Variants in NDUFS4 observed in about 807,000 individuals in gnomAD.
The protein encoded by NDUFS4 is NADH dehydrogenase [ubiquinone] iron-sulfur protein 4, mitochondrial.
Under a neutral mutation model 24.3 loss-of-function variants are expected in NDUFS4, and 28 were observed. That is an observed-to-expected ratio of 1.15 (90% CI 0.85 to 1.58). The LOEUF (loss-of-function observed/expected upper bound fraction) is 1.58, where lower values mean the gene tolerates loss of function less well. Among genes scored for constraint, NDUFS4 ranks in the 40% most tolerant of loss-of-function variants. The pLI is 0.00. For missense variants in NDUFS4, 223 were observed against 207.9 expected (o/e 1.07, Z -0.45); for synonymous variants, 93 against 69.7 (o/e 1.34, Z -1.67).
At chr5:53,658,078 A>G (rs1290484685) in intron 3 of NDUFS4, among the ~76,000 whole-genome samples, 1 of 152,190 alleles carries the variant, frequency 6.6e-6, no homozygotes, top group Non-Finnish European at 1.5e-5. Flanking sequence ...CTTTAAAAGA[A>G]TATTGTTAAT....
intron 1 of NDUFS4, among the ~76,000 whole-genome samples, chr5:53,588,798 ATATTG>A (rs1749851221): frequency 6.6e-6 from 1 of 152,060 alleles, no homozygotes; most frequent in Non-Finnish European, 1.5e-5. Context: ...ATCATGTCTT[ATATTG>A]TCACCATATT....
intron 2 of NDUFS4, among the ~76,000 whole-genome samples, chr5:53,619,507 A>C (rs1178786424): frequency 6.6e-6 from 1 of 150,480 alleles, no homozygotes; most frequent in Non-Finnish European, 1.5e-5. Flanking sequence ...AAAAAAAAAA[A>C]ACACATTATA....
chr5:53,637,569 T>G (rs1751594290), intron 2 of NDUFS4, among the ~76,000 whole-genome samples: 1 of 152,182 alleles, frequency 6.6e-6, no homozygotes, highest in Non-Finnish European at 1.5e-5. Context: ...CATTTTTGTT[T>G]ATAAAAGTAT....
chr5:53,622,032 T>C (rs901444318), intron 2 of NDUFS4, among the ~76,000 whole-genome samples: 1 of 152,172 alleles, frequency 6.6e-6, no homozygotes, highest in Non-Finnish European at 1.5e-5. Context: ...AACAGTTGTC[T>C]TTTAAATAAA....
chr5:53,594,518 G>C (rs892076107), intron 1 of NDUFS4, among the ~76,000 whole-genome samples: 2 of 151,846 alleles, frequency 1.3e-5, no homozygotes, highest in Admixed American at 1.3e-4. Context: ...TAGACTATTT[G>C]CATTTAAAGT....
intron 1 of NDUFS4, among the ~76,000 whole-genome samples, chr5:53,600,809 C>G (rs898377779): frequency 5.3e-5 from 8 of 152,052 alleles, no homozygotes; most frequent in African/African-American, 1.7e-4. Flanking sequence ...GCAAATTTTT[C>G]TGAAATAATT....
In NDUFS4 at chr5:53,603,296, GAAAAA is replaced by G. The variant is rs547401888; in HGVS notation, c.99-155_99-151del. 5.3e-5 allele frequency among the ~76,000 whole-genome samples: 8 copies of G among 150,314 alleles called. 1 individual carries two copies. The South Asian group carries it at 1.7e-3, about 32-fold the overall frequency. Reference sequence around the variant, plus strand: ...CTCAGCAGACAGAACTAATTGCAGAGAAAAAGGACTTTTGTGCCCTCTTCTCTTTC... The same window carrying G: ...CTCAGCAGACAGAACTAATTGCAGAGGGACTTTTGTGCCCTCTTCTCTTTC... On this transcript the variant is annotated intron_variant, in intron 1 of 4. Transcript: ENST00000296684.
chr5:53,575,673 C>G (rs1350112711), intron 1 of NDUFS4, among the ~76,000 whole-genome samples: 1 of 144,738 alleles, frequency 6.9e-6, no homozygotes, highest in Non-Finnish European at 1.6e-5. Flanking sequence ...TCCCGAGTAG[C>G]TGGAATTGCA....
At chr5:53,678,368 G>A (rs1740543066) in intron 4 of NDUFS4, among the ~76,000 whole-genome samples, 1 of 152,140 alleles carries the variant, frequency 6.6e-6, no homozygotes, top group Non-Finnish European at 1.5e-5. Context: ...TTTAGGTGCT[G>A]GTAGTTGGGT....
chr5:53,642,288 G>A (rs1751728669), intron 2 of NDUFS4, among the ~76,000 whole-genome samples: 1 of 152,116 alleles, frequency 6.6e-6, no homozygotes, highest in South Asian at 2.1e-4. Context: ...CACTCCTTCA[G>A]TGTTGCCCTA....
chr5:53,646,321 C>A lies in NDUFS4; in HGVS notation c.266C>A (p.Ser89Tyr), dbSNP rs948332243. The A allele has an allele frequency of 1.9e-6, 3 of 1,613,482 alleles. No individual in the cohort carries two copies. The highest frequency in any genetic ancestry group is 2.5e-6 in the Non-Finnish European group (3 of 1,179,644). ...GTTCCTGCTCGCAATAACATGCAGT[C>A]TGGAGTAAACAACACAAAGAAATGG... Reference protein sequence around the residue: ...IFVPARNNMQSGVNNTKKWKM... With the variant: ...IFVPARNNMQYGVNNTKKWKM... The change falls in exon 3 of 5, where the codon TCT becomes TAT. Residue 89 changes from serine to tyrosine, a missense_variant. By Grantham distance (144) the Ser-to-Tyr change is moderately radical. Transcript: ENST00000296684.
intron 2 of NDUFS4, among the ~76,000 whole-genome samples, chr5:53,637,179 T>C (rs1002737269): frequency 2.0e-5 from 3 of 150,832 alleles, no homozygotes; most frequent in African/African-American, 7.4e-5. Flanking sequence ...TTTGCATTCG[T>C]AGAGATGAGG....
chr5:53,656,139 A>C (rs1277377645), intron 3 of NDUFS4, among the ~76,000 whole-genome samples: 1 of 151,898 alleles, frequency 6.6e-6, no homozygotes, highest in Non-Finnish European at 1.5e-5. Flanking sequence ...CTTATGGGAA[A>C]CACCGTATAA....
At chr5:53,572,241 T>G (rs1410678089) in intron 1 of NDUFS4, among the ~76,000 whole-genome samples, 3 of 152,218 alleles carry the variant, frequency 2.0e-5, no homozygotes, top group Non-Finnish European at 4.4e-5. Flanking sequence ...TCTTCAGAGA[T>G]AACAATGTTC....
At chr5:53,600,241 C>T (rs972963263) in intron 1 of NDUFS4, among the ~76,000 whole-genome samples, 4 of 151,844 alleles carry the variant, frequency 2.6e-5, no homozygotes, top group Non-Finnish European at 2.9e-5. Context: ...TTAGGTGATC[C>T]GCCATCCTCG....
intron 4 of NDUFS4, among the ~76,000 whole-genome samples, chr5:53,665,593 G>A (rs1217290632): frequency 6.6e-6 from 1 of 152,228 alleles, no homozygotes; most frequent in Non-Finnish European, 1.5e-5. Context: ...CTAACAATGA[G>A]CGAGGCTTTG....
intron 3 of NDUFS4, among the ~76,000 whole-genome samples, chr5:53,654,688 G>A (rs1246288298): frequency 5.3e-5 from 8 of 152,022 alleles, no homozygotes; most frequent in South Asian, 2.1e-4. Flanking sequence ...TAAGCTTCCC[G>A]AGAAGAAACT....
chr5:53,582,047 T>C (rs1020011726), intron 1 of NDUFS4, among the ~76,000 whole-genome samples: 15 of 151,872 alleles, frequency 9.9e-5, no homozygotes, highest in Non-Finnish European at 1.6e-4. Flanking sequence ...CTGTCTCTAC[T>C]AAAAATACAA....
At chr5:53,594,363 G>C (rs1440318692) in intron 1 of NDUFS4, among the ~76,000 whole-genome samples, 1 of 152,024 alleles carries the variant, frequency 6.6e-6, no homozygotes, top group Non-Finnish European at 1.5e-5. Flanking sequence ...AGCAAGATTT[G>C]ACTAGTGTTA....
Sources: gnomAD v4.1 joint callset for allele counts (sites outside exome capture counted in the v4.1 genomes callset) on GRCh38, gnomAD v4.1.1 for gene constraint, MANE v1.5 for transcripts, NCBI Gene and HGNC (gene_info 2026-07-23, HGNC 2026-07-21) for gene names.